GLRX3: variants seen among roughly 807,000 people sequenced by gnomAD.
GLRX3 encodes glutaredoxin 3.
Under a neutral mutation model 49.5 loss-of-function variants are expected in GLRX3, and 22 were observed. That is an observed-to-expected ratio of 0.44 (90% confidence interval 0.32 to 0.63). GLRX3 has a LOEUF of 0.63. Among genes scored for constraint, GLRX3 ranks in the 30% least tolerant of loss-of-function variants. The pLI is 0.05. For synonymous variants in GLRX3, 133 were observed against 140.0 expected, an observed-to-expected ratio of 0.95 and a Z score of 0.35; for missense variants, 385 against 396.3, an observed-to-expected ratio of 0.97 and a Z score of 0.24.
At chr10:130,138,869 G>C (rs5027013) in intron 1 of GLRX3, among the ~76,000 whole-genome samples, 1 of 9,100 alleles carries the variant, frequency 1.1e-4, no homozygotes, top group Non-Finnish European at 2.8e-4. Context: ...TTTTTTTTTT[G>C]GGGGGGAGAC....
At chr10:130,166,801 A>G in intron 5 of GLRX3, 118 bp from the exon 6 acceptor site, 1 of 898,888 alleles carries the variant, frequency 1.1e-6, no homozygotes, top group Admixed American at 2.2e-5. Flanking sequence ...AAGAACCTGC[A>G]ATGAATACAC....
chr10:130,179,522 T>G lies in GLRX3; in HGVS notation c.*130T>G, dbSNP rs1862986427. 4 of 660,368 alleles carry G rather than the reference T, an allele frequency of 6.1e-6. No homozygotes were observed. Among genetic ancestry groups the G allele is most frequent in the Non-Finnish European group, 1.1e-5 (4 of 369,032 alleles). The allele number at this position is 660,368 out of a possible 1,614,324, so 40.9% of individuals were successfully genotyped here. On this transcript the variant is annotated 3_prime_UTR_variant, in exon 11 of 11. Transcript: ENST00000331244. ...CTTTCTCAGTTACATGTTTTGTGTATTTCACAATGTCGTGCTAAATAAATG... is the reference window on the plus strand; with the variant it reads ...CTTTCTCAGTTACATGTTTTGTGTAGTTCACAATGTCGTGCTAAATAAATG...
At chr10:130,148,058 T>G (rs912179594) in intron 2 of GLRX3, among the ~76,000 whole-genome samples, 8 of 152,148 alleles carry the variant, frequency 5.3e-5, no homozygotes, top group African/African-American at 1.4e-4. Flanking sequence ...AAAACAGCTT[T>G]CTTTTTGTTA....
intron 8 of GLRX3, among the ~76,000 whole-genome samples, chr10:130,173,742 TA>T (rs1862860321): frequency 6.6e-6 from 1 of 152,222 alleles, no homozygotes. Context: ...TTGGGGTTTT[TA>T]AAAAGCATTA....
chr10:130,163,905 G>T (rs1862631343), intron 4 of GLRX3, among the ~76,000 whole-genome samples: 1 of 152,180 alleles, frequency 6.6e-6, no homozygotes, highest in Non-Finnish European at 1.5e-5. Flanking sequence ...AATTAGCTTT[G>T]AAAGTGCTAT....
chr10:130,140,588 A>G (rs977548006), intron 1 of GLRX3, among the ~76,000 whole-genome samples: 1 of 152,172 alleles, frequency 6.6e-6, no homozygotes, highest in Non-Finnish European at 1.5e-5. Context: ...TTGCTGTTTT[A>G]CAGATGTGGA....
At chr10:130,145,649 G>A (rs1318212682) in intron 2 of GLRX3, among the ~76,000 whole-genome samples, 2 of 151,978 alleles carry the variant, frequency 1.3e-5, no homozygotes, top group East Asian at 1.9e-4. Flanking sequence ...GTGACAGAGC[G>A]AGACGCTGTC....
chr10:130,170,360 A>G (rs1473284765), intron 7 of GLRX3, among the ~76,000 whole-genome samples: 7 of 152,228 alleles, frequency 4.6e-5, no homozygotes, highest in African/African-American at 7.2e-5. Context: ...AAGGGACACA[A>G]TACTTCACAG....
chr10:130,176,742 CTCCCTCCT>C lies in GLRX3; in HGVS notation c.957+1661_957+1668del, dbSNP rs1193760963. On this transcript the variant is annotated intron_variant, in intron 10 of 10. Coordinates refer to ENST00000331244, the MANE Select transcript of GLRX3 (RefSeq NM_006541.5). ...AGATCTGCATTTGTTTCTTCCCTCC[CTCCCTCCT>C]TCCCTCCCTCCCTCCCTCCCTCTTT... Among the ~76,000 whole-genome samples, 5 of 145,966 alleles carry C rather than the reference CTCCCTCCT, an allele frequency of 3.4e-5. No individual in the cohort carries two copies. The East Asian group carries it at 1.0e-3, about 30-fold the overall frequency.
intron 1 of GLRX3, among the ~76,000 whole-genome samples, chr10:130,138,821 C>G (rs553071188): frequency 4.0e-4 from 59 of 145,946 alleles, no homozygotes; most frequent in African/African-American, 1.4e-3. Context: ...TTAAAAAGTC[C>G]TTAAACTATC....
At chr10:130,138,658 G>A (rs1478789868) in intron 1 of GLRX3, among the ~76,000 whole-genome samples, 1 of 152,132 alleles carries the variant, frequency 6.6e-6, no homozygotes, top group Non-Finnish European at 1.5e-5. Flanking sequence ...GACTCATCCA[G>A]TACAGATCAG....
chr10:130,138,585 C>T (rs865825234), intron 1 of GLRX3, among the ~76,000 whole-genome samples: 11 of 151,984 alleles, frequency 7.2e-5, no homozygotes, highest in African/African-American at 2.4e-4. Flanking sequence ...GAAATTGTTA[C>T]GGAAAAAAGC....
chr10:130,139,901 C>G (rs1192141267), intron 1 of GLRX3, among the ~76,000 whole-genome samples: 3 of 152,190 alleles, frequency 2.0e-5, no homozygotes, highest in Non-Finnish European at 2.9e-5. Context: ...TGTACTCCAG[C>G]CTGGGTGACA....
intron 1 of GLRX3, among the ~76,000 whole-genome samples, chr10:130,136,861 C>A (rs1022355240): frequency 1.3e-5 from 2 of 152,084 alleles, no homozygotes; most frequent in Non-Finnish European, 2.9e-5. Context: ...GGTGACTCAG[C>A]CGTGCCGCAG....
chr10:130,179,531 G>T lies in GLRX3; in HGVS notation c.*139G>T. On this transcript the variant is annotated 3_prime_UTR_variant, in exon 11 of 11. Transcript: ENST00000331244. ...TTACATGTTTTGTGTATTTCACAAT[G>T]TCGTGCTAAATAAATGTATGTTACA... 1 of 638,976 alleles carries T rather than the reference G, an allele frequency of 1.6e-6. No homozygotes were observed. Among genetic ancestry groups the T allele is most frequent in the Non-Finnish European group, 2.8e-6 (1 of 356,332 alleles). The allele number at this position is 638,976 out of a possible 1,614,324, so 39.6% of individuals were successfully genotyped here.
At position 130,166,847 on chromosome 10, in the gene GLRX3, G is replaced by A. The variant is rs556149227; in HGVS notation, c.652-72G>A. The A allele has an allele frequency of 6.3e-5, 66 of 1,050,620 alleles. No homozygotes were observed. The Middle Eastern group carries it at 1.0e-3, about 16-fold the overall frequency. 65.1% of individuals were successfully genotyped at this position (1,050,620 alleles called of 1,614,324 possible). A position where few individuals can be genotyped will look rare whatever the true frequency, so the allele number is the denominator to read the frequency against. ...ATTAGTTGATTGATCAATAATCTGT[G>A]TTATGGTATGATCAAGGAGATTTAT... On this transcript the variant is annotated intron_variant, in intron 5 of 10. Coordinates refer to ENST00000331244, the MANE Select transcript of GLRX3 (RefSeq NM_006541.5).
intron 2 of GLRX3, among the ~76,000 whole-genome samples, chr10:130,150,239 CAAAAA>C (rs35014993): frequency 2.1e-5 from 2 of 94,536 alleles, no homozygotes; most frequent in African/African-American, 4.2e-5. Flanking sequence ...GACTCCATCT[CAAAAA>C]AAAAAAAAAA....
intron 10 of GLRX3, among the ~76,000 whole-genome samples, chr10:130,178,658 A>C (rs1450451723): frequency 6.6e-6 from 1 of 152,104 alleles, no homozygotes; most frequent in Non-Finnish European, 1.5e-5. Context: ...GCGTTTCCTA[A>C]TACTAAACAA....
At chr10:130,149,168 C>T (rs1397411235) in intron 2 of GLRX3, among the ~76,000 whole-genome samples, 3 of 152,106 alleles carry the variant, frequency 2.0e-5, no homozygotes, top group African/African-American at 7.2e-5. Flanking sequence ...CTTCTGGGCT[C>T]CGTCCTGAGT....
Sources: gnomAD v4.1 joint callset for allele counts (sites outside exome capture counted in the v4.1 genomes callset) on GRCh38, gnomAD v4.1.1 for gene constraint, MANE v1.5 for transcripts, NCBI Gene and HGNC (gene_info 2026-07-23, HGNC 2026-07-21) for gene names.